Variants in CDK6 observed in about 807,000 individuals in gnomAD.
CDK6 encodes cyclin dependent kinase 6, also known as cyclin-dependent kinase 6.
In CDK6, 6 loss-of-function variants were observed where a neutral mutation model predicts 37.1. The ratio of observed to expected loss-of-function variants is 0.16; its 90% CI spans 0.09 to 0.32. The LOEUF (loss-of-function observed/expected upper bound fraction) is 0.32. Ranked by LOEUF, CDK6 falls within the 10% of genes least tolerant of loss-of-function variation. CDK6 has a pLI of 1.00. For missense variants in CDK6, 224 were observed against 418.9 expected (o/e 0.53, Z 4.06); for synonymous variants, 160 against 161.3 (o/e 0.99, Z 0.06).
At chr7:92,632,592 T>A (rs1562917485) in intron 5 of CDK6, among the ~76,000 whole-genome samples, 1 of 152,278 alleles carries the variant, frequency 6.6e-6, no homozygotes, top group East Asian at 1.9e-4. Flanking sequence ...ATTTATTTTA[T>A]CAGAATAAAA....
intron 2 of CDK6, among the ~76,000 whole-genome samples, chr7:92,779,064 T>C (rs1799922280): frequency 6.6e-6 from 1 of 151,970 alleles, no homozygotes; most frequent in Admixed American, 6.6e-5. Flanking sequence ...ACCGTTGTCT[T>C]AGAAGTTACC....
At chr7:92,732,447 C>T (rs776049164) in intron 3 of CDK6, among the ~76,000 whole-genome samples, 19 of 152,178 alleles carry the variant, frequency 1.2e-4, no homozygotes, top group Non-Finnish European at 2.4e-4. Context: ...CTAATGGCTG[C>T]AATTGGACAA....
intron 3 of CDK6, among the ~76,000 whole-genome samples, chr7:92,728,880 A>T (rs1045464791): frequency 1.3e-5 from 2 of 152,198 alleles, no homozygotes; most frequent in Non-Finnish European, 2.9e-5. Context: ...CTTGCCCAAC[A>T]TCTCATGACC....
At position 92,802,892 on chromosome 7, in the gene CDK6, T is replaced by C. The variant is rs1161209834; in HGVS notation, c.234-28061A>G. Among the ~76,000 whole-genome samples, 3 of 152,156 alleles carry C rather than the reference T, an allele frequency of 2.0e-5. No individual in the cohort carries two copies. In the East Asian group the frequency reaches 5.8e-4, roughly 29 times the overall value. On this transcript the variant is annotated intron_variant, in intron 2 of 7. Coordinates refer to ENST00000424848, the MANE Select transcript of CDK6 (RefSeq NM_001145306.2). ...ACTCACTAAATACTAATCATATCCC[T>C]CCATTTGTGACAACCAAAAATATCT...
intron 2 of CDK6, among the ~76,000 whole-genome samples, chr7:92,831,156 G>A (rs1486947947): frequency 6.6e-6 from 1 of 152,158 alleles, no homozygotes; most frequent in Non-Finnish European, 1.5e-5. Flanking sequence ...GAAATTCACA[G>A]TACAGAATCC....
intron 7 of CDK6, 22 bp downstream of exon 7, chr7:92,618,050 G>C (rs768158926): frequency 5.0e-6 from 8 of 1,612,864 alleles, no homozygotes; most frequent in Admixed American, 1.7e-5. Context: ...GTGCAGACGA[G>C]CTTGACATCA....
rs1562962876 is a variant in CDK6 at position 92,778,939 on chromosome 7, AT to A, written c.234-4109del. On this transcript the variant is annotated intron_variant, in intron 2 of 7. Coordinates refer to ENST00000424848, the MANE Select transcript of CDK6 (RefSeq NM_001145306.2). The stretch of plus-strand genomic sequence containing the variant: ...TATAGTTTATCATATATATATATAT[AT>A]ATATATAAGATATTATAGTAATTTC... 1.2e-4 allele frequency among the ~76,000 whole-genome samples: 18 copies of A among 144,114 alleles called. 1 individual carries two copies. Among genetic ancestry groups the A allele is most frequent in the African/African-American group, 4.2e-4 (16 of 38,022 alleles). The allele number at this position is 144,114 out of a possible 152,430, so 94.5% of individuals were successfully genotyped here.
At chr7:92,822,110 C>T (rs954402548) in intron 2 of CDK6, among the ~76,000 whole-genome samples, 1 of 152,008 alleles carries the variant, frequency 6.6e-6, no homozygotes, top group Non-Finnish European at 1.5e-5. Context: ...CAAAAATGAG[C>T]AGTCACAGCC....
At position 92,833,395 on chromosome 7, in the gene CDK6, C is replaced by CG; in HGVS notation, c.-73dup. 9.5e-7 allele frequency: 1 copy of CG among 1,057,860 alleles called. No homozygotes were observed. The highest frequency in any genetic ancestry group is 1.3e-6 in the Non-Finnish European group (1 of 747,096). 65.5% of individuals were successfully genotyped at this position (1,057,860 alleles called of 1,614,324 possible). A position where few individuals can be genotyped will look rare whatever the true frequency, so the allele number is the denominator to read the frequency against. ...GTGCGCTCAACTAGCTGGCGGCCGC[C>CG]GCTCGCCTACTCCGGGGCTCCCCGG... is the stretch of plus-strand genomic sequence containing the variant. On this transcript the variant is annotated 5_prime_UTR_variant, in exon 2 of 8. Transcript: ENST00000424848. The surrounding 1 kb of genome is among the most constrained non-coding windows in gnomAD (Gnocchi z 6.1).
At chr7:92,804,691 T>C (rs577856352) in intron 2 of CDK6, among the ~76,000 whole-genome samples, 19 of 152,200 alleles carry the variant, frequency 1.2e-4, no homozygotes, top group Non-Finnish European at 2.5e-4. Flanking sequence ...CTTTTTGAAA[T>C]GCAGAGCTCT....
chr7:92,795,077 G>A (rs1800375286), intron 2 of CDK6, among the ~76,000 whole-genome samples: 2 of 152,192 alleles, frequency 1.3e-5, no homozygotes, highest in East Asian at 3.9e-4. Flanking sequence ...TTATTTTCAA[G>A]TCACATGGGA....
chr7:92,826,045 T>C (rs1412414377), intron 2 of CDK6, among the ~76,000 whole-genome samples: 2 of 152,178 alleles, frequency 1.3e-5, no homozygotes, highest in Admixed American at 6.6e-5. Context: ...TTCTCCCTCC[T>C]TGACACTCCT....
rs549933069 is a variant in CDK6 at position 92,799,712 on chromosome 7, G to A, written c.234-24881C>T. Among the ~76,000 whole-genome samples the A allele has an allele frequency of 3.3e-5, 5 of 152,172 alleles. No individual in the cohort carries two copies. The East Asian group carries it at 5.8e-4, about 18-fold the overall frequency. ...GCTCAGTAACCACACTGGGGCATTCGTGATTTTCTCCTTATTGTGGGACAA... is the reference window on the plus strand; with the variant it reads ...GCTCAGTAACCACACTGGGGCATTCATGATTTTCTCCTTATTGTGGGACAA... On this transcript the variant is annotated intron_variant, in intron 2 of 7. Coordinates refer to ENST00000424848, the MANE Select transcript of CDK6 (RefSeq NM_001145306.2).
intron 4 of CDK6, among the ~76,000 whole-genome samples, chr7:92,700,242 C>T (rs565783544): frequency 2.0e-5 from 3 of 152,194 alleles, no homozygotes; most frequent in Admixed American, 1.3e-4. Flanking sequence ...AGGGGAGGTA[C>T]TAAAGGGTTT....
chr7:92,653,202 T>C (rs1290217673), intron 5 of CDK6, among the ~76,000 whole-genome samples: 1 of 152,210 alleles, frequency 6.6e-6, no homozygotes, highest in African/African-American at 2.4e-5. Flanking sequence ...CCATGGATTG[T>C]CTCCCCTTTC....
chr7:92,701,377 A>G (rs767419661), intron 4 of CDK6, among the ~76,000 whole-genome samples: 4 of 152,006 alleles, frequency 2.6e-5, no homozygotes, highest in African/African-American at 7.2e-5. Context: ...AACAGGGGCA[A>G]TCTCTGGTTT....
chr7:92,804,501 C>T (rs943864914), intron 2 of CDK6, among the ~76,000 whole-genome samples: 3 of 152,150 alleles, frequency 2.0e-5, no homozygotes, highest in South Asian at 4.1e-4. Flanking sequence ...AAAGACTATC[C>T]TTACTCTTGG....
chr7:92,610,650 A>C lies in CDK6; in HGVS notation c.*4490T>G, dbSNP rs772055723. 1 of 227,924 alleles carries C rather than the reference A, an allele frequency of 4.4e-6. No homozygotes were observed. The highest frequency in any genetic ancestry group is 8.7e-6 in the Non-Finnish European group (1 of 114,876). 14.1% of individuals were successfully genotyped at this position (227,924 alleles called of 1,614,324 possible). A position where few individuals can be genotyped will look rare whatever the true frequency, so the allele number is the denominator to read the frequency against. ...TAAGAAATGAAAATGCTAGTTTCTCATGCTTTTGAGGAAAACAGCATTTCT... is the reference window on the plus strand; with the variant it reads ...TAAGAAATGAAAATGCTAGTTTCTCCTGCTTTTGAGGAAAACAGCATTTCT... On this transcript the variant is annotated 3_prime_UTR_variant, in exon 8 of 8. Coordinates refer to ENST00000424848, the MANE Select transcript of CDK6 (RefSeq NM_001145306.2).
chr7:92,736,765 A>G (rs1798797457), intron 3 of CDK6, among the ~76,000 whole-genome samples: 1 of 152,188 alleles, frequency 6.6e-6, no homozygotes, highest in Non-Finnish European at 1.5e-5. Context: ...ATGGCATGTT[A>G]TTATTGACAT....
Sources: allele counts gnomAD v4.1 joint callset (sites outside exome capture counted in the v4.1 genomes callset), GRCh38; gene constraint gnomAD v4.1.1; non-coding constraint Gnocchi (gnomAD v3.1); transcripts MANE v1.5; gene names NCBI Gene and HGNC (gene_info 2026-07-23, HGNC 2026-07-21).